EXTL2: variants seen among roughly 807,000 people sequenced by gnomAD.
The protein encoded by EXTL2 is exostosin-like 2.
EXTL2 carries 23 observed loss-of-function variants against 30.7 expected under a neutral mutation model. The ratio of observed to expected loss-of-function variants is 0.75; its 90% CI spans 0.54 to 1.06. The LOEUF is 1.06. Ranked by LOEUF, EXTL2 falls within the 50% of genes least tolerant of loss-of-function variation. The pLI is 0.00. For synonymous variants in EXTL2, 123 were observed against 133.8 expected, an observed-to-expected ratio of 0.92 and a Z score of 0.56; for missense variants, 352 against 396.3, an observed-to-expected ratio of 0.89 and a Z score of 0.95.
At chr1:100,875,964 C>A (rs1649079699) in intron 4 of EXTL2, among the ~76,000 whole-genome samples, 1 of 152,132 alleles carries the variant, frequency 6.6e-6, no homozygotes, top group South Asian at 2.1e-4. Flanking sequence ...TTGGTCAGCA[C>A]ACTAGGCATG....
intron 1 of EXTL2, among the ~76,000 whole-genome samples, chr1:100,894,145 C>A (rs1432535755): frequency 6.6e-6 from 1 of 151,512 alleles, no homozygotes; most frequent in Non-Finnish European, 1.5e-5. Context: ...TTAATTATTT[C>A]TATTACTTCT....
rs572188345 is a variant in EXTL2 at position 100,872,516 on chromosome 1, T to C, written c.*1426A>G. 28 of 152,588 alleles carry C rather than the reference T, an allele frequency of 1.8e-4. No homozygotes were observed. The highest frequency in any genetic ancestry group is 2.9e-4 in the African/African-American group (12 of 41,552). The allele number at this position is 152,588 out of a possible 1,614,324, so 9.5% of individuals were successfully genotyped here. A position where few individuals can be genotyped will look rare whatever the true frequency, so the allele number is the denominator to read the frequency against. ...GTAAGATTCTTAGTTTCTTTGTTTT[T>C]GTTTTTTACAATCTGACTGCATTAA... On this transcript the variant is annotated 3_prime_UTR_variant, in exon 5 of 5. Transcript: ENST00000370114.
At chr1:100,887,850 CAT>C (rs747714869) in intron 2 of EXTL2, among the ~76,000 whole-genome samples, 2 of 152,182 alleles carry the variant, frequency 1.3e-5, no homozygotes, top group Non-Finnish European at 1.5e-5. Context: ...AGGCGTCCGC[CAT>C]CACACCCGGC....
Position 100,877,521 on chromosome 1 carries a change from T to C in EXTL2, c.388A>G (p.Arg130Gly). 1 of 1,611,912 alleles carries C rather than the reference T, an allele frequency of 6.2e-7. No homozygotes were observed. Among genetic ancestry groups the C allele is most frequent in the Non-Finnish European group, 8.5e-7 (1 of 1,178,880 alleles). Residue 130 changes from arginine (R) to glycine (G), a missense_variant, in exon 3 of 5, where the codon AGG becomes GGG. Arg to Gly is a moderately radical substitution (Grantham distance 125, BLOSUM62 -2). Coordinates refer to ENST00000370114, the MANE Select transcript of EXTL2 (RefSeq NM_001033025.3). This position sits in a 1 kb window ranked among gnomAD's most constrained non-coding sequence, Gnocchi z 4.1. ...PVIFKQQTAN[R>G]MRNRLQVFPE... ...AAGACCTGGAGTCGATTTCTCATCC[T>C]GTTTGCTGTCTGTTGTTTGAAGATC...
At position 100,877,767 on chromosome 1, in the gene EXTL2, T is replaced by A. The variant is rs1208196545; in HGVS notation, c.142A>T (p.Met48Leu). 6.2e-7 allele frequency: 1 copy of A among 1,612,860 alleles called. No individual in the cohort carries two copies. Among genetic ancestry groups the A allele is most frequent in the East Asian group, 2.2e-5 (1 of 44,868 alleles). ...ALLPSVKEDK[M>L]LMLRREIKSQ... ...TTTATTTCCCTACGCAACATGAGCA[T>A]CTTGTCTTCTTTAACACTGGGAAGT... is the stretch of plus-strand genomic sequence containing the variant. The change falls in exon 3 of 5, where the codon ATG becomes TTG. Residue 48 changes from methionine to leucine, a missense_variant. Physicochemically the swap from Met to Leu is conservative, Grantham distance 15. Coordinates refer to ENST00000370114, the MANE Select transcript of EXTL2 (RefSeq NM_001033025.3). The surrounding 1 kb of genome is among the most constrained non-coding windows in gnomAD (Gnocchi z 4.1).
At chr1:100,882,464 C>A (rs993579151) in intron 2 of EXTL2, among the ~76,000 whole-genome samples, 2 of 152,198 alleles carry the variant, frequency 1.3e-5, no homozygotes, top group Admixed American at 1.3e-4. Context: ...AGAGAGGTGG[C>A]TTCTGAAAAT....
chr1:100,891,063 T>C (rs1650386065), intron 1 of EXTL2, among the ~76,000 whole-genome samples: 1 of 152,242 alleles, frequency 6.6e-6, no homozygotes, highest in Admixed American at 6.5e-5. Flanking sequence ...AGGACTGTAA[T>C]TGTCATGAGT....
At chr1:100,879,687 A>G (rs1649415423) in intron 2 of EXTL2, among the ~76,000 whole-genome samples, 1 of 152,136 alleles carries the variant, frequency 6.6e-6, no homozygotes, top group South Asian at 2.1e-4. Flanking sequence ...ACTGCTAACC[A>G]CAGCTGAAGT....
At chr1:100,882,096 TC>T (rs1295890354) in intron 2 of EXTL2, among the ~76,000 whole-genome samples, 1 of 152,072 alleles carries the variant, frequency 6.6e-6, no homozygotes, top group African/African-American at 2.4e-5. Flanking sequence ...CCCAAAACCA[TC>T]CCCCACCACC....
intron 2 of EXTL2, among the ~76,000 whole-genome samples, chr1:100,883,240 A>T (rs920834572): frequency 1.3e-5 from 2 of 152,216 alleles, no homozygotes; most frequent in Admixed American, 1.3e-4. Context: ...ACATACAATA[A>T]AATTTACCCA....
At chr1:100,892,004 G>C (rs189196509) in intron 1 of EXTL2, among the ~76,000 whole-genome samples, 1 of 152,326 alleles carries the variant, frequency 6.6e-6, no homozygotes, top group Non-Finnish European at 1.5e-5. Context: ...TTTTTGCAAA[G>C]GCAGTTTCAT....
rs914187042 is a variant in EXTL2 at position 100,888,839 on chromosome 1, A to C, written c.-71-11T>G. 12 of 1,034,300 alleles carry C rather than the reference A, an allele frequency of 1.2e-5. No homozygotes were observed. The African/African-American group carries it at 1.8e-4, about 15-fold the overall frequency. 64.1% of individuals were successfully genotyped at this position (1,034,300 alleles called of 1,614,324 possible). A position where few individuals can be genotyped will look rare whatever the true frequency, so the allele number is the denominator to read the frequency against. ...CAGGCTCACTTGTCACTATTAAGAT[A>C]AATCAAAGAATTTTCTGTGATGTTT... On this transcript the variant is annotated splice_polypyrimidine_tract_variant and intron_variant, in intron 1 of 4. Transcript: ENST00000370114.
intron 2 of EXTL2, among the ~76,000 whole-genome samples, chr1:100,883,648 T>C (rs181920935): frequency 1.2e-3 from 183 of 152,338 alleles, no homozygotes; most frequent in Non-Finnish European, 2.1e-3. Flanking sequence ...CATTCATCAG[T>C]TAATGGACGT....
In EXTL2 at chr1:100,874,209, G is replaced by T; in HGVS notation, c.726C>A (p.Asn242Lys). The T allele has an allele frequency of 6.2e-7, 1 of 1,612,892 alleles. No homozygotes were observed. Residue 242 changes from asparagine (N) to lysine (K), a missense_variant, in exon 5 of 5, where the codon AAC becomes AAA. By Grantham distance (94) the Asn-to-Lys change is moderately conservative. Coordinates refer to ENST00000370114, the MANE Select transcript of EXTL2 (RefSeq NM_001033025.3). ...AVHALIDDTQNCDDIAMNFII... is the reference protein window; with the variant it reads ...AVHALIDDTQKCDDIAMNFII... ...TAAAATTCATGGCAATATCATCACA[G>T]TTTTGAGTATCATCTATCAAAGCAT... is the stretch of plus-strand genomic sequence containing the variant.
In EXTL2 at chr1:100,873,937, T is replaced by C; in HGVS notation, c.*5A>G. The C allele has an allele frequency of 6.4e-7, 1 of 1,551,810 alleles. No homozygotes were observed. The highest frequency in any genetic ancestry group is 8.7e-7 in the Non-Finnish European group (1 of 1,153,728). ...TTTTCAGGTTTGTTTTTGTTTGTTT[T>C]ACTTTTATATTTTTCTTTTGTAGTT... is the stretch of plus-strand genomic sequence containing the variant. On this transcript the variant is annotated 3_prime_UTR_variant, in exon 5 of 5. Coordinates refer to ENST00000370114, the MANE Select transcript of EXTL2 (RefSeq NM_001033025.3).
rs1648790328 is a variant in EXTL2, at chr1:100,872,681, TAAG to T, written c.*1258_*1260del. 6.6e-6 allele frequency: 1 copy of T among 152,372 alleles called. No individual in the cohort carries two copies. Among genetic ancestry groups the T allele is most frequent in the Admixed American group, 6.6e-5 (1 of 15,228 alleles). The allele number at this position is 152,372 out of a possible 1,614,324, so 9.4% of individuals were successfully genotyped here. A position where few individuals can be genotyped will look rare whatever the true frequency, so the allele number is the denominator to read the frequency against. ...ATTTTGAGAATATACTAGCATTATA[TAAG>T]AAGGAAGAGGAGAAGGAGGAATAAG... is the stretch of plus-strand genomic sequence containing the variant. On this transcript the variant is annotated 3_prime_UTR_variant, in exon 5 of 5. Transcript: ENST00000370114.
chr1:100,889,561 T>C (rs1284485133), intron 1 of EXTL2, among the ~76,000 whole-genome samples: 1 of 152,132 alleles, frequency 6.6e-6, no homozygotes, highest in Non-Finnish European at 1.5e-5. Context: ...GCAAGTCCCT[T>C]CTGCTTAGGA....
intron 2 of EXTL2, 74 bp downstream of exon 2, chr1:100,888,679 C>G (rs1046950633): frequency 6.5e-6 from 5 of 774,524 alleles, no homozygotes; most frequent in Admixed American, 2.4e-5. Flanking sequence ...ACTTAAAACC[C>G]GTTAAGGTGA....
intron 2 of EXTL2, among the ~76,000 whole-genome samples, chr1:100,887,138 T>C (rs1037989403): frequency 1.3e-5 from 2 of 152,228 alleles, no homozygotes; most frequent in African/African-American, 4.8e-5. Context: ...CCAGAGATTT[T>C]CATTTGAATC....
Sources: gnomAD v4.1 joint callset for allele counts (sites outside exome capture counted in the v4.1 genomes callset) on GRCh38, gnomAD v4.1.1 for gene constraint, Gnocchi (gnomAD v3.1) non-coding constraint, MANE v1.5 for transcripts, NCBI Gene and HGNC (gene_info 2026-07-23, HGNC 2026-07-21) for gene names.